Variants in CAMK2B observed in about 807,000 individuals in gnomAD.
CAMK2B encodes the protein calcium/calmodulin-dependent protein kinase type II subunit beta.
In CAMK2B, 27 loss-of-function variants were observed where a neutral mutation model predicts 93.7. That is an observed-to-expected ratio of 0.29 (90% CI 0.21 to 0.40). The LOEUF is 0.40. CAMK2B is among the 10% of genes least tolerant of loss of function. The pLI is 1.00. For synonymous variants in CAMK2B, 374 were observed against 358.8 expected (o/e 1.04, Z -0.48); for missense variants, 568 against 895.8 (o/e 0.63, Z 4.67).
intron 1 of CAMK2B, 167 bp downstream of exon 1, chr7:44,325,190 G>C (rs967247029): frequency 5.2e-6 from 1 of 193,826 alleles, no homozygotes; most frequent in Non-Finnish European, 9.2e-6. Flanking sequence ...CCCGGGGCCG[G>C]GGGCTCGCGG....
chr7:44,310,651 G>C (rs987122235), intron 1 of CAMK2B, among the ~76,000 whole-genome samples: 2 of 152,208 alleles, frequency 1.3e-5, no homozygotes, highest in African/African-American at 4.8e-5. Context: ...GCTGACACAG[G>C]CTACAACATG....
chr7:44,285,825 G>A (rs1432619561), intron 1 of CAMK2B, among the ~76,000 whole-genome samples: 22 of 112,382 alleles, frequency 2.0e-4, no homozygotes, highest in Non-Finnish European at 4.0e-4. Flanking sequence ...GGGGAGGCGC[G>A]GCGGAGGGGG....
At chr7:44,257,826 T>A (rs772387595) in intron 4 of CAMK2B, among the ~76,000 whole-genome samples, 6 of 152,274 alleles carry the variant, frequency 3.9e-5, no homozygotes, top group Non-Finnish European at 5.9e-5. Context: ...ACATGTGCCA[T>A]GGCCTGACGT....
chr7:44,269,821 T>C (rs552636410), intron 2 of CAMK2B, among the ~76,000 whole-genome samples: 27 of 152,134 alleles, frequency 1.8e-4, no homozygotes, highest in African/African-American at 6.5e-4. Flanking sequence ...GTAAGCTCTG[T>C]GCTGGCTGGG....
intron 5 of CAMK2B, among the ~76,000 whole-genome samples, chr7:44,250,661 C>G (rs1197023630): frequency 2.0e-5 from 3 of 151,862 alleles, no homozygotes; most frequent in Admixed American, 6.6e-5. Context: ...TCCAGAGTAG[C>G]TGGGATTACA....
chr7:44,236,863 G>A (rs1470680830), intron 13 of CAMK2B, among the ~76,000 whole-genome samples: 3 of 152,198 alleles, frequency 2.0e-5, no homozygotes, highest in African/African-American at 7.2e-5. Context: ...GACACAGCTG[G>A]GGGACGGGCT....
At chr7:44,254,211 T>C (rs1018536055) in intron 5 of CAMK2B, among the ~76,000 whole-genome samples, 1 of 151,806 alleles carries the variant, frequency 6.6e-6, no homozygotes, top group Non-Finnish European at 1.5e-5. Context: ...CCGGGGAGGG[T>C]CAGCCTTGTG....
At chr7:44,309,397 CAGCAGG>C (rs1370424238) in intron 1 of CAMK2B, among the ~76,000 whole-genome samples, 1 of 152,268 alleles carries the variant, frequency 6.6e-6, no homozygotes, top group East Asian at 1.9e-4. Context: ...AGCTCTGAGC[CAGCAGG>C]AGCAGGAGGG....
intron 2 of CAMK2B, chr7:44,268,668 G>A (rs1359291033): frequency 6.6e-6 from 1 of 152,408 alleles, no homozygotes; most frequent in Non-Finnish European, 1.5e-5. Context: ...CAGGACCCCC[G>A]AAGCCTTGGC....
chr7:44,237,546 G>T (rs2128946931), intron 13 of CAMK2B, among the ~76,000 whole-genome samples: 1 of 152,312 alleles, frequency 6.6e-6, no homozygotes, highest in East Asian at 1.9e-4. Flanking sequence ...GCAGTGTGGG[G>T]TGCATGGGCC....
chr7:44,226,445 C>T, intron 20 of CAMK2B, 71 bp downstream of exon 20: 2 of 1,255,292 alleles, frequency 1.6e-6, no homozygotes, highest in Non-Finnish European at 2.1e-6. Context: ...TCCCAGAGCA[C>T]CACTGCCAGG....
chr7:44,253,503 A>G (rs542435756), intron 5 of CAMK2B, among the ~76,000 whole-genome samples: 65 of 152,308 alleles, frequency 4.3e-4, no homozygotes, highest in African/African-American at 1.5e-3. Context: ...GTGAGCCACC[A>G]CGCACGGCCT....
In CAMK2B at chr7:44,217,475, AG is replaced by A. The variant is rs1278903755; in HGVS notation, c.*2049del. 2.0e-5 allele frequency: 3 copies of A among 152,404 alleles called. No homozygotes were observed. The highest frequency in any genetic ancestry group is 7.2e-5 in the African/African-American group (3 of 41,456). The allele number at this position is 152,404 out of a possible 1,614,324, so 9.4% of individuals were successfully genotyped here. A position where few individuals can be genotyped will look rare whatever the true frequency, so the allele number is the denominator to read the frequency against. ...GAGGTGACAAGGTGAGAGGGAGAGG[AG>A]GGGAGGAGGCCCCAGGACGCCAGGG... On this transcript the variant is annotated 3_prime_UTR_variant, in exon 24 of 24. Coordinates refer to ENST00000395749, the MANE Select transcript of CAMK2B (RefSeq NM_001220.5).
chr7:44,253,200 A>AGTTTTTTTTTTTTG (rs1562914630), intron 5 of CAMK2B, among the ~76,000 whole-genome samples: 1 of 149,846 alleles, frequency 6.7e-6, no homozygotes, highest in African/African-American at 2.5e-5. Context: ...TTTTAAAAAG[A>AGTTTTTTTTTTTTG]GTTTTTTTTT....
At chr7:44,229,586 G>T in intron 17 of CAMK2B, 85 bp from the exon 18 acceptor site, 1 of 534,584 alleles carries the variant, frequency 1.9e-6, no homozygotes, top group Non-Finnish European at 3.1e-6. Context: ...GGGAGGCCAG[G>T]AGGGAGGGAG....
intron 2 of CAMK2B, chr7:44,268,712 G>A (rs564139002): frequency 6.6e-6 from 1 of 152,350 alleles, no homozygotes; most frequent in African/African-American, 2.4e-5. Flanking sequence ...GGGGAGTGGG[G>A]GCTCCTCCAA....
chr7:44,318,835 CTTAAG>C (rs1304746473), intron 1 of CAMK2B, among the ~76,000 whole-genome samples: 9 of 152,046 alleles, frequency 5.9e-5, no homozygotes, highest in East Asian at 2.0e-4. Flanking sequence ...AGAATCATAA[CTTAAG>C]TTATTTTTGG....
chr7:44,246,575 C>A (rs918280926), intron 6 of CAMK2B, among the ~76,000 whole-genome samples: 18 of 152,280 alleles, frequency 1.2e-4, no homozygotes, highest in Middle Eastern at 3.4e-3. Flanking sequence ...TCCCCACACA[C>A]GTGCATGCAC....
chr7:44,231,398 G>A (rs2096578352), intron 16 of CAMK2B, among the ~76,000 whole-genome samples: 1 of 152,216 alleles, frequency 6.6e-6, no homozygotes, highest in South Asian at 2.1e-4. Flanking sequence ...CTAGTGCTGT[G>A]GCCACCCTGC....
Sources: allele counts gnomAD v4.1 joint callset (sites outside exome capture counted in the v4.1 genomes callset), GRCh38; gene constraint gnomAD v4.1.1; transcripts MANE v1.5; gene names NCBI Gene and HGNC (gene_info 2026-07-23, HGNC 2026-07-21).